Variants in PXN observed in about 807,000 individuals in gnomAD.
PXN encodes the protein paxillin, also known as testicular tissue protein Li 134.
In PXN, 61 loss-of-function variants were observed where a neutral mutation model predicts 103.6. The observed-to-expected ratio is 0.59, with a 90% CI of 0.48 to 0.73. The LOEUF is 0.73. Among genes scored for constraint, PXN ranks in the 30% least tolerant of loss-of-function variants. PXN has a pLI of 0.00. For missense variants in PXN, 1,274 were observed against 1,460.3 expected (o/e 0.87, Z 2.08); for synonymous variants, 562 against 607.8 (o/e 0.92, Z 1.11).
Position 120,219,546 on chromosome 12 carries a change from T to C in PXN, c.1377A>G (p.Gln459=), listed in dbSNP as rs1304233706. 20 of 1,585,654 alleles carry C rather than the reference T, an allele frequency of 1.3e-5. No homozygotes were observed. The highest frequency in any genetic ancestry group is 1.5e-5 in the Non-Finnish European group (18 of 1,173,568). The change falls in exon 7 of 15, where the codon CAA becomes CAG. Residue 459 remains glutamine (Q), a synonymous_variant. Coordinates refer to ENST00000637617, the MANE Select transcript of PXN (RefSeq NM_001385981.1). The surrounding 1 kb of genome is among the most constrained non-coding windows in gnomAD (Gnocchi z 6.5). ...MPPSGAARSF[Q]EVTEPAVVAV... is the part of the protein sequence containing the mutation. ...CCACTACAGCTGGCTCTGTTACTTC[T>C]TGGAAGCTTCGAGCAGCTCCAGAGG... is the stretch of plus-strand genomic sequence containing the variant.
intron 1 of PXN, among the ~76,000 whole-genome samples, chr12:120,237,184 A>T (rs1307681137): frequency 7.0e-6 from 1 of 143,456 alleles, no homozygotes; most frequent in Non-Finnish European, 1.5e-5. Flanking sequence ...CACACACAGA[A>T]TCTCACTTCT....
In PXN at chr12:120,217,406, C is replaced by T. The variant is rs559704553; in HGVS notation, c.1717-290G>A. The stretch of plus-strand genomic sequence containing the variant: ...TGACCTTGGGCAAGACACTTAATTG[C>T]CATGGGCCTCAGCTTCCCCTTCCTT... On this transcript the variant is annotated intron_variant, in intron 7 of 14. Coordinates refer to ENST00000637617, the MANE Select transcript of PXN (RefSeq NM_001385981.1). The surrounding 1 kb of genome is among the most constrained non-coding windows in gnomAD (Gnocchi z 4.1). 3.9e-5 allele frequency among the ~76,000 whole-genome samples: 6 copies of T among 152,308 alleles called. No individual in the cohort carries two copies. The highest frequency in any genetic ancestry group is 8.8e-5 in the Non-Finnish European group (6 of 68,026).
At chr12:120,248,250 G>T (rs529540612) in intron 1 of PXN, among the ~76,000 whole-genome samples, 3 of 151,990 alleles carry the variant, frequency 2.0e-5, no homozygotes, top group Non-Finnish European at 4.4e-5. Context: ...GTAGAAGAGG[G>T]GGCTGGAGGA....
intron 1 of PXN, among the ~76,000 whole-genome samples, chr12:120,250,877 T>G (rs1234498262): frequency 6.6e-6 from 1 of 152,024 alleles, no homozygotes; most frequent in Non-Finnish European, 1.5e-5. Context: ...CCACGGGAAA[T>G]GCAGCCAACC....
At chr12:120,250,082 TC>T in intron 1 of PXN, 1 of 985,444 alleles carries the variant, frequency 1.0e-6, no homozygotes, top group South Asian at 4.7e-5. Flanking sequence ...GAGGAGCCCA[TC>T]CCACTCAGCT....
chr12:120,216,668 G>C lies in PXN; in HGVS notation c.1993-87C>G. Reference sequence around the variant, plus strand: ...GGCGGGACCTCCCCAGGCTCCCCCTGGGCCTTCCCACTCTGCACCAAGAGT... The same window carrying C: ...GGCGGGACCTCCCCAGGCTCCCCCTCGGCCTTCCCACTCTGCACCAAGAGT... On this transcript the variant is annotated intron_variant, in intron 8 of 14. Transcript: ENST00000637617. This position sits in a 1 kb window ranked among gnomAD's most constrained non-coding sequence, Gnocchi z 5.1. The C allele has an allele frequency of 6.3e-7, 1 of 1,577,554 alleles. No individual in the cohort carries two copies. Among genetic ancestry groups the C allele is most frequent in the African/African-American group, 1.4e-5 (1 of 73,326 alleles).
Position 120,222,802 on chromosome 12 carries a change from CTAGAGG to C in PXN, c.493+55_494-53del. On this transcript the variant is annotated intron_variant, in intron 4 of 14. Coordinates refer to ENST00000637617, the MANE Select transcript of PXN (RefSeq NM_001385981.1). This position sits in a 1 kb window ranked among gnomAD's most constrained non-coding sequence, Gnocchi z 4.7. ...CTCAGCCCTTGAGCCCTCCTGGGATCTAGAGGTCAGCAGATGGGCCCTGGGCCCTGG... is the reference window on the plus strand; with the variant it reads ...CTCAGCCCTTGAGCCCTCCTGGGATCTCAGCAGATGGGCCCTGGGCCCTGG... The C allele has an allele frequency of 6.2e-7, 1 of 1,603,860 alleles. No homozygotes were observed. Among genetic ancestry groups the C allele is most frequent in the Non-Finnish European group, 8.5e-7 (1 of 1,174,878 alleles).
rs951456933 is a variant in PXN at position 120,251,195 on chromosome 12, A to C, written c.13+14422T>G. On this transcript the variant is annotated intron_variant, in intron 1 of 14. Transcript: ENST00000637617. ...ACTCCAGCCTGGGCAACGGAACGAG[A>C]CTCTGTCTCAAAAAAAATCAATTAA... Among the ~76,000 whole-genome samples the C allele has an allele frequency of 5.4e-5, 8 of 149,462 alleles. 1 individual carries two copies. The Admixed American group carries it at 5.4e-4, about 10-fold the overall frequency.
intron 1 of PXN, among the ~76,000 whole-genome samples, chr12:120,237,213 C>CA (rs1181030873): frequency 1.3e-5 from 2 of 151,326 alleles, no homozygotes; most frequent in Non-Finnish European, 2.9e-5. Context: ...GGCTGGGGTA[C>CA]AGTGGCATGA....
chr12:120,244,540 C>T (rs1411471558), intron 1 of PXN, among the ~76,000 whole-genome samples: 6 of 151,030 alleles, frequency 4.0e-5, no homozygotes, highest in Non-Finnish European at 4.4e-5. Context: ...CCCAGCTACT[C>T]GGGAGGCTGA....
At chr12:120,230,916 T>C (rs1887910551) in intron 1 of PXN, among the ~76,000 whole-genome samples, 1 of 152,190 alleles carries the variant, frequency 6.6e-6, no homozygotes, top group Non-Finnish European at 1.5e-5. Flanking sequence ...TTTGGGTTCT[T>C]GTCAACTGTC....
intron 1 of PXN, chr12:120,227,126 GA>G (rs1887025270): frequency 1.0e-6 from 1 of 986,678 alleles, no homozygotes; most frequent in Non-Finnish European, 1.2e-6. Context: ...ACCTTGAAAA[GA>G]AAAGAAAAGT....
At chr12:120,264,702 G>C (rs944068535) in intron 1 of PXN, among the ~76,000 whole-genome samples, 1 of 152,220 alleles carries the variant, frequency 6.6e-6, no homozygotes, top group African/African-American at 2.4e-5. Flanking sequence ...GACGCAGAGA[G>C]GGTGGAGGGG....
Position 120,228,361 on chromosome 12 carries a change from C to T in PXN, c.14-3984G>A, listed in dbSNP as rs574323366. Among the ~76,000 whole-genome samples, 4 of 152,302 alleles carry T rather than the reference C, an allele frequency of 2.6e-5. No homozygotes were observed. The South Asian group carries it at 6.2e-4, about 24-fold the overall frequency. ...CAGGTTTTCTGTCTCTCTGGGCCAG[C>T]GGAAGTATGCAACATGAGGAGGTAG... On this transcript the variant is annotated intron_variant, in intron 1 of 14. Transcript: ENST00000637617. This position sits in a 1 kb window ranked among gnomAD's most constrained non-coding sequence, Gnocchi z 4.7.
Position 120,222,967 on chromosome 12 carries a change from G to A in PXN, c.389C>T (p.Ser130Leu), listed in dbSNP as rs1885649367. 7 of 1,613,868 alleles carry A rather than the reference G, an allele frequency of 4.3e-6. No homozygotes were observed. The highest frequency in any genetic ancestry group is 5.9e-6 in the Non-Finnish European group (7 of 1,179,906). ...CAGGGACGTGCTCATTACGGTGGGTGAAGGCTCAGCTGATTTCTGCTTGTT... is the reference window on the plus strand; with the variant it reads ...CAGGGACGTGCTCATTACGGTGGGTAAAGGCTCAGCTGATTTCTGCTTGTT... ...FPNKQKSAEP[S>L]PTVMSTSLGS... The change falls in exon 4 of 15, where the codon TCA (serine) becomes TTA (leucine). Residue 130 changes from serine to leucine, a missense_variant. Around this residue, in one of 2 missense-constraint regions of PXN, gnomAD observed 1,178 missense variants for 1,309.0 expected, o/e 0.90. Coordinates refer to ENST00000637617, the MANE Select transcript of PXN (RefSeq NM_001385981.1). This position sits in a 1 kb window ranked among gnomAD's most constrained non-coding sequence, Gnocchi z 4.7.
intron 1 of PXN, among the ~76,000 whole-genome samples, chr12:120,237,252 G>A (rs1889266171): frequency 1.3e-5 from 2 of 151,816 alleles, no homozygotes; most frequent in Non-Finnish European, 2.9e-5. Context: ...TCTGCCTCTT[G>A]GGGTCAAGCA....
intron 1 of PXN, among the ~76,000 whole-genome samples, chr12:120,227,318 C>T (rs944552080): frequency 6.6e-6 from 1 of 152,012 alleles, no homozygotes; most frequent in African/African-American, 2.4e-5. Context: ...TTGGGCAACA[C>T]AGTGAAACCC....
intron 1 of PXN, among the ~76,000 whole-genome samples, chr12:120,257,370 T>G (rs1456105670): frequency 6.6e-6 from 1 of 152,198 alleles, no homozygotes; most frequent in African/African-American, 2.4e-5. Flanking sequence ...CACATCATGC[T>G]GCTTTCAAAT....
intron 3 of PXN, among the ~76,000 whole-genome samples, chr12:120,223,444 A>T (rs1885860089): frequency 6.6e-6 from 1 of 151,654 alleles, no homozygotes; most frequent in Admixed American, 6.6e-5. Context: ...CCCGTCTCAA[A>T]AAAAAAGAAA....
Sources: gnomAD v4.1 joint callset for allele counts (sites outside exome capture counted in the v4.1 genomes callset) on GRCh38, gnomAD v4.1.1 for gene constraint, gnomAD v4.1.1 regional missense constraint, Gnocchi (gnomAD v3.1) non-coding constraint, MANE v1.5 for transcripts, NCBI Gene and HGNC (gene_info 2026-07-23, HGNC 2026-07-21) for gene names.